The following FRMPD4 variants were observed in gnomAD, a reference collection of about 807,000 sequenced individuals.
FRMPD4 encodes FERM and PDZ domain containing 4.
In FRMPD4, 22 loss-of-function variants were observed where a neutral mutation model predicts 94.1. That is an observed-to-expected ratio of 0.23 (90% CI 0.17 to 0.33). The LOEUF is 0.33. FRMPD4 is among the 10% of genes least tolerant of loss of function. The pLI is 1.00. For synonymous variants in FRMPD4, 631 were observed against 548.6 expected (o/e 1.15, Z -2.10); for missense variants, 1,111 against 1,339.9 (o/e 0.83, Z 2.67).
chrX:12,714,396 G>A (rs2042041841), intron 14 of FRMPD4, among the ~76,000 whole-genome samples: 1 of 111,024 alleles, frequency 9.0e-6, no homozygotes, highest in Admixed American at 9.6e-5. Context: ...TTCTCTATGT[G>A]GCCCAAATCT....
chrX:11,958,733 G>A (rs1250805046), intron 3 of FRMPD4, among the ~76,000 whole-genome samples: 1 of 112,046 alleles, frequency 8.9e-6, no homozygotes, highest in African/African-American at 3.2e-5. Flanking sequence ...GTTGGATGGT[G>A]ATAGAACCCA....
intron 2 of FRMPD4, among the ~76,000 whole-genome samples, chrX:12,592,969 C>T (rs2058996706): frequency 8.9e-6 from 1 of 111,844 alleles, no homozygotes; most frequent in Non-Finnish European, 1.9e-5. Context: ...CACCTTCTTT[C>T]CCAGGCACCT....
intron 3 of FRMPD4, among the ~76,000 whole-genome samples, chrX:12,120,651 G>T (rs149140650): frequency 8.9e-6 from 1 of 112,047 alleles, no homozygotes; most frequent in African/African-American, 3.2e-5. Flanking sequence ...ATGTTGATTG[G>T]GTAGAAGAAA....
chrX:12,048,274 T>C (rs1296363458), intron 3 of FRMPD4, among the ~76,000 whole-genome samples: 1 of 112,463 alleles, frequency 8.9e-6, no homozygotes, highest in Non-Finnish European at 1.9e-5. Context: ...CATTTTTTCA[T>C]ATATTTGTTG....
Position 12,716,469 on chromosome X carries a change from C to T in FRMPD4, c.2010C>T (p.Gly670=). The T allele has an allele frequency of 8.3e-7, 1 of 1,210,037 alleles. No homozygotes were observed. Among genetic ancestry groups the T allele is most frequent in the Non-Finnish European group, 1.1e-6 (1 of 894,542 alleles). ...LDDGISPPTL[G]YETLLDEGPE... ...ATGGTATTAGTCCCCCAACCCTTGG[C>T]TATGAAACGCTACTAGATGAGGGTC... The change falls in exon 15 of 17, where the codon GGC becomes GGT. Residue 670 remains glycine (G), a synonymous_variant. Transcript: ENST00000675598.
At chrX:12,551,496 A>C (rs2058536907) in intron 2 of FRMPD4, among the ~76,000 whole-genome samples, 1 of 111,032 alleles carries the variant, frequency 9.0e-6, no homozygotes, top group Non-Finnish European at 1.9e-5. Context: ...GTTTGGGTAA[A>C]TCAGCATCCA....
At chrX:12,550,543 G>T (rs2058523856) in intron 2 of FRMPD4, among the ~76,000 whole-genome samples, 1 of 111,517 alleles carries the variant, frequency 9.0e-6, no homozygotes, top group Non-Finnish European at 1.9e-5. Context: ...AGAATAGCAT[G>T]CCAAGTGCAA....
intron 3 of FRMPD4, among the ~76,000 whole-genome samples, chrX:12,124,762 C>G (rs1395996871): frequency 9.0e-6 from 1 of 111,540 alleles, no homozygotes; most frequent in African/African-American, 3.3e-5. Flanking sequence ...GGTGGCAGAG[C>G]TCCAAAGTGG....
At chrX:12,027,884 T>C (rs2054669472) in intron 3 of FRMPD4, among the ~76,000 whole-genome samples, 1 of 112,325 alleles carries the variant, frequency 8.9e-6, no homozygotes, top group South Asian at 3.7e-4. Context: ...AGTGCTCATA[T>C]CTTTGAAGTT....
chrX:12,288,341 G>A (rs1279244832), intron 1 of FRMPD4, among the ~76,000 whole-genome samples: 1 of 111,736 alleles, frequency 8.9e-6, no homozygotes, highest in Admixed American at 9.5e-5. Context: ...CCAGAGAAGT[G>A]GGAGTGGCTT....
chrX:12,175,146 A>G (rs1432738997), intron 1 of FRMPD4, among the ~76,000 whole-genome samples: 1 of 112,414 alleles, frequency 8.9e-6, no homozygotes, highest in African/African-American at 3.2e-5. Flanking sequence ...CAGCTCTGGT[A>G]GGATTTGTTT....
At chrX:12,474,966 G>A (rs1300103063) in intron 1 of FRMPD4, among the ~76,000 whole-genome samples, 5 of 111,688 alleles carry the variant, frequency 4.5e-5, no homozygotes, top group African/African-American at 1.6e-4. Context: ...ATTTTATGAG[G>A]CCAGCATCAT....
chrX:12,571,964 A>T (rs1362084943), intron 2 of FRMPD4, among the ~76,000 whole-genome samples: 5 of 112,489 alleles, frequency 4.4e-5, no homozygotes, highest in Non-Finnish European at 7.5e-5. Flanking sequence ...AAGAAAACAG[A>T]AAAGGAAAAC....
chrX:12,231,598 C>G (rs994367958), intron 1 of FRMPD4, among the ~76,000 whole-genome samples: 1 of 111,112 alleles, frequency 9.0e-6, no homozygotes, highest in Non-Finnish European at 1.9e-5. Flanking sequence ...AGACTCACTT[C>G]GAGGAACTTT....
At chrX:12,165,941 A>G (rs2056108730) in intron 1 of FRMPD4, among the ~76,000 whole-genome samples, 1 of 111,473 alleles carries the variant, frequency 9.0e-6, no homozygotes, top group Non-Finnish European at 1.9e-5. Context: ...CAGCTTAAGG[A>G]GATTTTGGGC....
Position 12,295,284 on chromosome X carries a change from T to G in FRMPD4, c.41+156272T>G, listed in dbSNP as rs777451978. On this transcript the variant is annotated intron_variant, in intron 1 of 16. Transcript: ENST00000675598. Reference sequence around the variant, plus strand: ...CTGGAATCAGAATAAGGGGTGTTAGTAATATCAGCTGACTGTTGAATTGCA... The same window carrying G: ...CTGGAATCAGAATAAGGGGTGTTAGGAATATCAGCTGACTGTTGAATTGCA... Among the ~76,000 whole-genome samples, 3 of 112,195 alleles carry G rather than the reference T, an allele frequency of 2.7e-5. No individual in the cohort carries two copies. In the Admixed American group the frequency reaches 2.8e-4, roughly 11 times the overall value.
intron 3 of FRMPD4, among the ~76,000 whole-genome samples, chrX:11,901,955 G>T (rs1338245255): frequency 3.6e-5 from 4 of 111,432 alleles, no homozygotes; most frequent in Non-Finnish European, 7.5e-5. Flanking sequence ...GGGATTATTT[G>T]TTTCTTGTGG....
intron 4 of FRMPD4, among the ~76,000 whole-genome samples, chrX:12,636,739 T>C (rs984218000): frequency 2.0e-4 from 22 of 111,767 alleles, no homozygotes; most frequent in Non-Finnish European, 4.0e-4. Flanking sequence ...AAAAATAGTA[T>C]ATTTTTAAGT....
At chrX:12,450,513 A>T (rs2057253165) in intron 1 of FRMPD4, among the ~76,000 whole-genome samples, 1 of 111,703 alleles carries the variant, frequency 9.0e-6, no homozygotes, top group Non-Finnish European at 1.9e-5. Flanking sequence ...AAGACATATG[A>T]TTTCTCAGCA....
Sources: allele counts gnomAD v4.1 joint callset (sites outside exome capture counted in the v4.1 genomes callset), GRCh38; gene constraint gnomAD v4.1.1; transcripts MANE v1.5; gene names NCBI Gene and HGNC (gene_info 2026-07-23, HGNC 2026-07-21).